ENTHD1: variants seen among roughly 807,000 people sequenced by gnomAD.
The protein encoded by ENTHD1 is ENTH domain containing 1.
In ENTHD1, 23 loss-of-function variants were observed where a neutral mutation model predicts 39.1. The observed-to-expected ratio is 0.59, with a 90% CI of 0.42 to 0.83. The LOEUF is 0.83. Ranked by LOEUF, ENTHD1 falls within the 40% of genes least tolerant of loss-of-function variation. ENTHD1 has a pLI of 0.00. For synonymous variants in ENTHD1, 230 were observed against 258.2 expected (o/e 0.89, Z 1.05); for missense variants, 624 against 705.4 (o/e 0.88, Z 1.31).
intron 5 of ENTHD1, among the ~76,000 whole-genome samples, chr22:39,795,476 AGT>A (rs2065541026): frequency 2.7e-5 from 4 of 150,566 alleles, no homozygotes; most frequent in Admixed American, 6.6e-5. Context: ...CCCAGGCTGG[AGT>A]ACAGTGGTGT....
chr22:39,802,769 G>A (rs2065608962), intron 5 of ENTHD1, among the ~76,000 whole-genome samples: 1 of 152,168 alleles, frequency 6.6e-6, no homozygotes, highest in Non-Finnish European at 1.5e-5. Context: ...ATGCTTTGGG[G>A]TATTGTTCTC....
rs911803816 is a variant in ENTHD1 at position 39,867,072 on chromosome 22, T to G, written c.350-5065A>C. Among the ~76,000 whole-genome samples the G allele has an allele frequency of 6.6e-6, 1 of 152,042 alleles. No individual in the cohort carries two copies. The highest frequency in any genetic ancestry group is 1.5e-5 in the Non-Finnish European group (1 of 67,996). On this transcript the variant is annotated intron_variant, in intron 2 of 6. Coordinates refer to ENST00000325157, the MANE Select transcript of ENTHD1 (RefSeq NM_152512.4). This position sits in a 1 kb window ranked among gnomAD's most constrained non-coding sequence, Gnocchi z 4.5. ...CGCCCGCCACCAGGCCCGGCTAATT[T>G]TTTTGCATTTTTAGTAGAGACGGGG... is the stretch of plus-strand genomic sequence containing the variant.
At chr22:39,875,489 T>G in intron 2 of ENTHD1, 2 of 1,579,320 alleles carry the variant, frequency 1.3e-6, no homozygotes, top group Non-Finnish European at 1.7e-6. Flanking sequence ...TTTGGTCGCC[T>G]CCGTGGGCCT....
At chr22:39,812,404 G>A (rs991959930) in intron 5 of ENTHD1, among the ~76,000 whole-genome samples, 16 of 152,200 alleles carry the variant, frequency 1.1e-4, no homozygotes, top group African/African-American at 3.9e-4. Context: ...CGGGGACTTA[G>A]AAAGAGTAAC....
chr22:39,743,830 G>A lies in ENTHD1; in HGVS notation c.1673C>T (p.Ala558Val), dbSNP rs144803190. The change falls in exon 7 of 7, where the codon GCG (alanine) becomes GTG (valine). Residue 558 changes from alanine to valine, a missense_variant. Ala to Val is a moderately conservative substitution (Grantham distance 64). Coordinates refer to ENST00000325157, the MANE Select transcript of ENTHD1 (RefSeq NM_152512.4). ...ISVLLREVKR[A>V]IARLHEDLST... is the part of the protein sequence containing the mutation. ...CAGATCTTCATGTAATCTAGCGATC[G>A]CACGTTTTACCTCCCTTAAAAGAAC... is the stretch of plus-strand genomic sequence containing the variant. 34 of 1,613,914 alleles carry A rather than the reference G, an allele frequency of 2.1e-5. No individual in the cohort carries two copies. The highest frequency in any genetic ancestry group is 2.7e-5 in the African/African-American group (2 of 74,868).
chr22:39,851,340 A>C (rs759501040), intron 3 of ENTHD1, among the ~76,000 whole-genome samples: 5 of 152,132 alleles, frequency 3.3e-5, no homozygotes, highest in African/African-American at 4.8e-5. Flanking sequence ...CATTTCTGCA[A>C]GTTCCCTTTT....
At chr22:39,882,304 T>TGAGGGAAAGAGTAGTTGGGGATA (rs1385248698) in intron 2 of ENTHD1, among the ~76,000 whole-genome samples, 5 of 152,222 alleles carry the variant, frequency 3.3e-5, no homozygotes, top group African/African-American at 1.2e-4. Flanking sequence ...TTCTGCCCAT[T>TGAGGGAAAGAGTAGTTGGGGATA]GAGGGAAAGA....
intron 6 of ENTHD1, among the ~76,000 whole-genome samples, chr22:39,760,424 C>G (rs1203844743): frequency 2.0e-5 from 3 of 151,882 alleles, no homozygotes; most frequent in Non-Finnish European, 4.4e-5. Context: ...TCAGTTTTGT[C>G]TGGTATTAAT....
chr22:39,813,557 A>G (rs1431723146), intron 5 of ENTHD1, among the ~76,000 whole-genome samples: 3 of 152,228 alleles, frequency 2.0e-5, no homozygotes, highest in East Asian at 1.9e-4. Flanking sequence ...GAAACTCAAC[A>G]TATAGTCAAG....
At position 39,768,761 on chromosome 22, in the gene ENTHD1, T is replaced by C. The variant is rs192308188; in HGVS notation, c.833-3152A>G. ...ATTTAATATCAACTTTATATGTTGA[T>C]TTTCTGTATAACAATGTATATTGTA... is the stretch of plus-strand genomic sequence containing the variant. On this transcript the variant is annotated intron_variant, in intron 5 of 6. Coordinates refer to ENST00000325157, the MANE Select transcript of ENTHD1 (RefSeq NM_152512.4). Among the ~76,000 whole-genome samples, 15 of 152,198 alleles carry C rather than the reference T, an allele frequency of 9.9e-5. No homozygotes were observed. The East Asian group carries it at 2.5e-3, about 25-fold the overall frequency.
At chr22:39,817,212 G>A (rs769179012) in intron 5 of ENTHD1, among the ~76,000 whole-genome samples, 1 of 152,106 alleles carries the variant, frequency 6.6e-6, no homozygotes, top group Non-Finnish European at 1.5e-5. Context: ...TATGAATTAC[G>A]ATGAAAATGG....
intron 5 of ENTHD1, among the ~76,000 whole-genome samples, chr22:39,791,844 TTTTG>T (rs932628242): frequency 1.6e-4 from 25 of 152,244 alleles, no homozygotes; most frequent in South Asian, 6.2e-4. Context: ...TGCTCAGTTT[TTTTG>T]TTTGTTTGTT....
chr22:39,782,250 G>A (rs2146587211), intron 5 of ENTHD1, among the ~76,000 whole-genome samples: 1 of 152,260 alleles, frequency 6.6e-6, no homozygotes, highest in South Asian at 2.1e-4. Context: ...TTGTGCCACT[G>A]CACTCCAGCC....
chr22:39,791,446 G>A (rs1446784880), intron 5 of ENTHD1, among the ~76,000 whole-genome samples: 2 of 151,912 alleles, frequency 1.3e-5, no homozygotes, highest in African/African-American at 4.8e-5. Context: ...CTAGACTGGA[G>A]TGCAGTGGCA....
Position 39,843,385 on chromosome 22 carries a change from T to C in ENTHD1, c.593-7427A>G, listed in dbSNP as rs546145169. Among the ~76,000 whole-genome samples, 4 of 142,762 alleles carry C rather than the reference T, an allele frequency of 2.8e-5. No homozygotes were observed. In the East Asian group the frequency reaches 6.2e-4, roughly 22 times the overall value. The allele number at this position is 142,762 out of a possible 152,430, so 93.7% of individuals were successfully genotyped here. On this transcript the variant is annotated intron_variant, in intron 3 of 6. Coordinates refer to ENST00000325157, the MANE Select transcript of ENTHD1 (RefSeq NM_152512.4). ...ACAAAAAACCAAACACCACATATTC[T>C]CACTCATAGGTGGGAATTGAACAAT...
At chr22:39,759,858 T>C (rs972617996) in intron 6 of ENTHD1, among the ~76,000 whole-genome samples, 1 of 152,068 alleles carries the variant, frequency 6.6e-6, no homozygotes, top group Non-Finnish European at 1.5e-5. Context: ...TTGCTAAATT[T>C]CCAAATATTT....
rs991238299 is a variant in ENTHD1 at position 39,784,459 on chromosome 22, C to T, written c.833-18850G>A. On this transcript the variant is annotated intron_variant, in intron 5 of 6. Coordinates refer to ENST00000325157, the MANE Select transcript of ENTHD1 (RefSeq NM_152512.4). ...GATATTTGCATGCCCATGTTTATTG[C>T]AGCACTATTCACAACAGCCAACATA... is the stretch of plus-strand genomic sequence containing the variant. Among the ~76,000 whole-genome samples, 4 of 151,732 alleles carry T rather than the reference C, an allele frequency of 2.6e-5. No homozygotes were observed. The East Asian group carries it at 5.8e-4, about 22-fold the overall frequency.
intron 5 of ENTHD1, among the ~76,000 whole-genome samples, chr22:39,803,928 G>A (rs1472345457): frequency 1.3e-5 from 2 of 152,160 alleles, no homozygotes; most frequent in Non-Finnish European, 2.9e-5. Context: ...TTGGGAGGCT[G>A]AAGCAGGAGG....
chr22:39,846,066 T>A (rs1187383084), intron 3 of ENTHD1, among the ~76,000 whole-genome samples: 1 of 152,020 alleles, frequency 6.6e-6, no homozygotes, highest in Non-Finnish European at 1.5e-5. Flanking sequence ...GAATACACAA[T>A]GGGAAAGGAC....
Sources: allele counts gnomAD v4.1 joint callset (sites outside exome capture counted in the v4.1 genomes callset), GRCh38; gene constraint gnomAD v4.1.1; non-coding constraint Gnocchi (gnomAD v3.1); transcripts MANE v1.5; gene names NCBI Gene and HGNC (gene_info 2026-07-23, HGNC 2026-07-21).